MRPS5: variants seen among roughly 807,000 people sequenced by gnomAD.
The protein encoded by MRPS5 is mitochondrial ribosomal protein S5, also known as small ribosomal subunit protein uS5m.
MRPS5 carries 27 observed loss-of-function variants against 51.9 expected under a neutral mutation model. The observed-to-expected ratio is 0.52, with a 90% CI of 0.38 to 0.72. The LOEUF is 0.72. MRPS5 is among the 30% of genes least tolerant of loss of function. The probability of loss-of-function intolerance (pLI) is 0.00; values close to 1 mark genes in which losing one functional copy is unlikely to be tolerated. For synonymous variants in MRPS5, 196 were observed against 193.2 expected (o/e 1.01, Z -0.12); for missense variants, 570 against 545.7 (o/e 1.04, Z -0.44).
chr2:95,090,240 G>T, intron 11 of MRPS5, 146 bp downstream of exon 11: 13 of 507,404 alleles, frequency 2.6e-5, no homozygotes, highest in East Asian at 3.3e-5. Context: ...TAACTAAACT[G>T]ATGCAGTCAC....
rs374342334 is a variant in MRPS5 at position 95,085,915 on chromosome 2, AT to A, written c.*1441del. Among the ~76,000 whole-genome samples, 432 of 143,240 alleles carry A rather than the reference AT, an allele frequency of 3.0e-3. No individual in the cohort carries two copies. The highest frequency in any genetic ancestry group is 7.3e-3 in the Middle Eastern group (2 of 274). The allele number at this position is 143,240 out of a possible 152,430, so 94.0% of individuals were successfully genotyped here. A position where few individuals can be genotyped will look rare whatever the true frequency, so the allele number is the denominator to read the frequency against. ...ACACAGATGTTGAAACTTTATGACAATTTTTTTTTTTTTTTTGGAGACAAGG... is the reference window on the plus strand; with the variant it reads ...ACACAGATGTTGAAACTTTATGACAATTTTTTTTTTTTTTTGGAGACAAGG... On this transcript the variant is annotated 3_prime_UTR_variant, in exon 12 of 12. Transcript: ENST00000272418.
intron 5 of MRPS5, among the ~76,000 whole-genome samples, chr2:95,107,973 G>C (rs1365096065): frequency 4.6e-5 from 7 of 152,154 alleles, no homozygotes; most frequent in Admixed American, 3.9e-4. Flanking sequence ...CAGGAACCCA[G>C]TGCTTTCTAT....
intron 10 of MRPS5, chr2:95,093,153 G>A (rs974242646): frequency 1.3e-5 from 2 of 152,368 alleles, no homozygotes; most frequent in African/African-American, 4.8e-5. Context: ...CTGGCTAGGG[G>A]AGGGGTGTCC....
At chr2:95,116,813 G>A (rs1251404784) in intron 2 of MRPS5, among the ~76,000 whole-genome samples, 1 of 152,106 alleles carries the variant, frequency 6.6e-6, no homozygotes, top group Middle Eastern at 3.4e-3. Context: ...CCTGGCCAAC[G>A]TGGTGAAACC....
At chr2:95,092,229 T>C (rs1286134379) in intron 10 of MRPS5, 1 of 152,238 alleles carries the variant, frequency 6.6e-6, no homozygotes, top group Admixed American at 6.5e-5. Flanking sequence ...TTAATAAATA[T>C]GGCAAAGTTT....
chr2:95,111,748 GCATA>G (rs1676126312), intron 3 of MRPS5, among the ~76,000 whole-genome samples: 1 of 152,012 alleles, frequency 6.6e-6, no homozygotes, highest in African/African-American at 2.4e-5. Context: ...CTTTATGCAT[GCATA>G]CATAGTATAT....
intron 1 of MRPS5, among the ~76,000 whole-genome samples, chr2:95,119,198 CACAAAA>C (rs780017707): frequency 3.7e-4 from 56 of 152,246 alleles, no homozygotes; most frequent in African/African-American, 1.0e-3. Flanking sequence ...ATAGCTATTT[CACAAAA>C]ACAAAAACAA....
At chr2:95,095,810 G>T (rs1313786117) in intron 10 of MRPS5, among the ~76,000 whole-genome samples, 1 of 151,850 alleles carries the variant, frequency 6.6e-6, no homozygotes, top group African/African-American at 2.4e-5. Flanking sequence ...AGAAGGAAGA[G>T]CAAACAAATT....
intron 1 of MRPS5, among the ~76,000 whole-genome samples, chr2:95,118,561 T>G (rs1676355219): frequency 6.6e-6 from 1 of 152,256 alleles, no homozygotes; most frequent in African/African-American, 2.4e-5. Flanking sequence ...TCTGTTTGTC[T>G]GAAACATCAC....
In MRPS5 at chr2:95,111,673, CAG is replaced by C. The variant is rs528782702; in HGVS notation, c.278-1634_278-1633del. ...GCTATTTTTAAAAATCTGGAAAATA[CAG>C]AATGCAAAAATAATCATAATCCCAT... On this transcript the variant is annotated intron_variant, in intron 3 of 11. Transcript: ENST00000272418. Among the ~76,000 whole-genome samples, 674 of 152,196 alleles carry C rather than the reference CAG, an allele frequency of 4.4e-3. 3 individuals are homozygous for C. Among genetic ancestry groups the C allele is most frequent in the Non-Finnish European group, 6.6e-3 (451 of 67,994 alleles).
chr2:95,110,379 G>A (rs917660767), intron 3 of MRPS5, among the ~76,000 whole-genome samples: 1 of 152,168 alleles, frequency 6.6e-6, no homozygotes, highest in African/African-American at 2.4e-5. Context: ...CGTCTTCCCT[G>A]TCCTCTTGCC....
chr2:95,121,780 C>G lies in MRPS5; in HGVS notation c.12G>C (p.Ala4=). 6.4e-7 allele frequency: 1 copy of G among 1,551,386 alleles called. No individual in the cohort carries two copies. The highest frequency in any genetic ancestry group is 8.6e-7 in the Non-Finnish European group (1 of 1,158,046). The change falls in exon 1 of 12, where the codon GCG becomes GCC. Residue 4 remains alanine (A), a synonymous_variant. Coordinates refer to ENST00000272418, the MANE Select transcript of MRPS5 (RefSeq NM_031902.5). ...CGGGGAGGCAGCCCACAGCGCGCAC[C>G]GCGGTCGCCATGCTGGAGTCCGAGC... The part of the protein sequence containing the change: MAT[A]VRAVGCLPVL...
intron 3 of MRPS5, among the ~76,000 whole-genome samples, chr2:95,113,488 A>C (rs184771474): frequency 5.9e-5 from 9 of 152,240 alleles, no homozygotes; most frequent in African/African-American, 2.2e-4. Context: ...AACATAAATA[A>C]ATAAATAAAA....
chr2:95,102,645 G>A (rs1675837751), intron 7 of MRPS5, among the ~76,000 whole-genome samples: 1 of 152,152 alleles, frequency 6.6e-6, no homozygotes, highest in African/African-American at 2.4e-5. Context: ...CCAGGTGACA[G>A]AGCAAGACCC....
At chr2:95,107,922 A>G (rs1477859563) in intron 5 of MRPS5, among the ~76,000 whole-genome samples, 4 of 152,164 alleles carry the variant, frequency 2.6e-5, no homozygotes, top group Non-Finnish European at 4.4e-5. Flanking sequence ...CACAGTGCAC[A>G]TCCCCACGTT....
chr2:95,090,559 C>T (rs1675436000), intron 10 of MRPS5, 37 bp from the exon 11 acceptor site: 6 of 1,612,116 alleles, frequency 3.7e-6, no homozygotes, highest in African/African-American at 2.7e-5. Context: ...ACAGCCCACT[C>T]GCCTGCAGCC....
intron 2 of MRPS5, among the ~76,000 whole-genome samples, chr2:95,115,729 GCA>G (rs1676267787): frequency 6.6e-6 from 1 of 152,148 alleles, no homozygotes; most frequent in Non-Finnish European, 1.5e-5. Flanking sequence ...TTACTCAACT[GCA>G]CAGAGGAAGA....
intron 1 of MRPS5, among the ~76,000 whole-genome samples, chr2:95,120,226 GA>G (rs1234043649): frequency 6.6e-6 from 1 of 152,186 alleles, no homozygotes; most frequent in Non-Finnish European, 1.5e-5. Context: ...CTGATGAGCA[GA>G]AAAACAAAAT....
At chr2:95,101,809 A>G in intron 7 of MRPS5, 86 bp from the exon 8 acceptor site, 1 of 828,120 alleles carries the variant, frequency 1.2e-6, no homozygotes, top group Non-Finnish European at 1.9e-6. Context: ...TGCTCCTACA[A>G]TATTTCACAG....
Sources: gnomAD v4.1 joint callset for allele counts (sites outside exome capture counted in the v4.1 genomes callset) on GRCh38, gnomAD v4.1.1 for gene constraint, MANE v1.5 for transcripts, NCBI Gene and HGNC (gene_info 2026-07-23, HGNC 2026-07-21) for gene names.